KLHL4: variants seen among roughly 807,000 people sequenced by gnomAD.
KLHL4 encodes kelch like family member 4.
A neutral mutation model predicts 45.8 loss-of-function variants in KLHL4; 17 were observed. The observed-to-expected ratio is 0.37, with a 90% CI of 0.25 to 0.56. The LOEUF (loss-of-function observed/expected upper bound fraction) is 0.56. Ranked by LOEUF, KLHL4 falls within the 20% of genes least tolerant of loss-of-function variation. The pLI is 0.79. For synonymous variants in KLHL4, 224 were observed against 189.9 expected (o/e 1.18, Z -1.47); for missense variants, 544 against 544.9 (o/e 1.00, Z 0.02).
intron 9 of KLHL4, among the ~76,000 whole-genome samples, chrX:87,647,268 A>T (rs1923668216): frequency 8.9e-6 from 1 of 112,052 alleles, no homozygotes. Context: ...TAAAATGGGA[A>T]CACTTTACAC....
At chrX:87,568,937 G>A (rs958749300) in intron 1 of KLHL4, among the ~76,000 whole-genome samples, 19 of 111,034 alleles carry the variant, frequency 1.7e-4, no homozygotes, top group Non-Finnish European at 3.6e-4. Flanking sequence ...AAAATATGAC[G>A]CCAAAGTACA....
At chrX:87,541,215 G>A (rs1410238475) in intron 1 of KLHL4, among the ~76,000 whole-genome samples, 3 of 109,226 alleles carry the variant, frequency 2.7e-5, no homozygotes, top group Non-Finnish European at 3.8e-5. Flanking sequence ...GGCCAGGCAC[G>A]GTGGTTCACG....
At chrX:87,552,908 A>G (rs1167523054) in intron 1 of KLHL4, among the ~76,000 whole-genome samples, 1 of 110,202 alleles carries the variant, frequency 9.1e-6, no homozygotes, top group East Asian at 2.8e-4. Flanking sequence ...TAGGGTGACT[A>G]TAGCTAATAA....
At chrX:87,559,600 C>A (rs1225307957) in intron 1 of KLHL4, among the ~76,000 whole-genome samples, 1 of 111,588 alleles carries the variant, frequency 9.0e-6, no homozygotes, top group African/African-American at 3.2e-5. Flanking sequence ...GCTGCAAATT[C>A]TTCTCATATT....
chrX:87,521,274 A>T (rs1930995296), intron 1 of KLHL4, among the ~76,000 whole-genome samples: 1 of 111,999 alleles, frequency 8.9e-6, no homozygotes, highest in African/African-American at 3.2e-5. Flanking sequence ...AGGTTTGCCT[A>T]GAAAAAATGA....
At chrX:87,626,256 G>A (rs781417277) in intron 6 of KLHL4, among the ~76,000 whole-genome samples, 3 of 111,171 alleles carry the variant, frequency 2.7e-5, no homozygotes, top group East Asian at 5.7e-4. Flanking sequence ...GGTTCTGTCC[G>A]GAAACGCGAG....
chrX:87,538,085 G>A (rs764854245), intron 1 of KLHL4, among the ~76,000 whole-genome samples: 10 of 111,664 alleles, frequency 9.0e-5, no homozygotes, highest in Admixed American at 8.6e-4. Flanking sequence ...CAAAGTCTGA[G>A]CTTTTCTCTT....
chrX:87,588,794 AAGG>A (rs995697261), intron 1 of KLHL4, among the ~76,000 whole-genome samples: 45 of 109,142 alleles, frequency 4.1e-4, no homozygotes, highest in Middle Eastern at 4.7e-3. Context: ...GAAGAAGAAG[AAGG>A]AGAAGGAGAA....
intron 1 of KLHL4, among the ~76,000 whole-genome samples, chrX:87,547,183 G>A (rs757547866): frequency 9.0e-6 from 1 of 111,602 alleles, no homozygotes; most frequent in South Asian, 3.8e-4. Context: ...ATCTTGATTT[G>A]TAATTCCCAG....
chrX:87,614,695 C>A, intron 3 of KLHL4, 125 bp downstream of exon 3: 2 of 551,798 alleles, frequency 3.6e-6, no homozygotes, highest in Admixed American at 3.9e-5. Context: ...AATACTGCTA[C>A]TACAACTACA....
intron 1 of KLHL4, among the ~76,000 whole-genome samples, chrX:87,531,121 T>G (rs1356413663): frequency 3.6e-5 from 4 of 110,625 alleles, no homozygotes; most frequent in Admixed American, 1.9e-4. Flanking sequence ...GGGGTTGTTT[T>G]TTTCTTGTAA....
chrX:87,585,116 C>G lies in KLHL4; in HGVS notation c.423-28761C>G, dbSNP rs751769123. Among the ~76,000 whole-genome samples, 5 of 111,338 alleles carry G rather than the reference C, an allele frequency of 4.5e-5. No individual in the cohort carries two copies. In the South Asian group the frequency reaches 1.9e-3, roughly 41 times the overall value. On this transcript the variant is annotated intron_variant, in intron 1 of 10. Transcript: ENST00000373119. ...CAACAATAACAAAAAAAACCTTTTA[C>G]TCTAGAATAATATATCTGGTGAAAA... is the stretch of plus-strand genomic sequence containing the variant.
At chrX:87,605,744 G>A (rs5922462) in intron 1 of KLHL4, among the ~76,000 whole-genome samples, 41,209 of 109,745 alleles carry the variant, frequency 0.38, 6,002 homozygotes, top group Middle Eastern at 0.46. Flanking sequence ...AATTGGTCTG[G>A]CTAGGTCTTC....
chrX:87,565,367 C>T (rs1279725113), intron 1 of KLHL4, among the ~76,000 whole-genome samples: 1 of 110,856 alleles, frequency 9.0e-6, no homozygotes, highest in Non-Finnish European at 1.9e-5. Flanking sequence ...TTTAAAAGAC[C>T]TAGTAAAATT....
chrX:87,586,110 G>A (rs1188537280), intron 1 of KLHL4, among the ~76,000 whole-genome samples: 3 of 111,267 alleles, frequency 2.7e-5, no homozygotes. Context: ...CAACACTGGA[G>A]CACACAGATA....
At position 87,669,404 on chromosome X, in the gene KLHL4, C is replaced by T; in HGVS notation, c.*2870C>T. Reference sequence around the variant, plus strand: ...GACTCTGGGGCACTAAATTCAGATCCTTTCTCCACACAGCAATGACATTTA... The same window carrying T: ...GACTCTGGGGCACTAAATTCAGATCTTTTCTCCACACAGCAATGACATTTA... On this transcript the variant is annotated 3_prime_UTR_variant, in exon 11 of 11. Coordinates refer to ENST00000373119, the MANE Select transcript of KLHL4 (RefSeq NM_019117.5). The T allele has an allele frequency of 8.3e-7, 1 of 1,208,819 alleles. No homozygotes were observed. Among genetic ancestry groups the T allele is most frequent in the Non-Finnish European group, 1.1e-6 (1 of 893,920 alleles).
At chrX:87,611,040 C>G (rs759240270) in intron 1 of KLHL4, among the ~76,000 whole-genome samples, 1 of 110,764 alleles carries the variant, frequency 9.0e-6, no homozygotes. Context: ...GGCCATTGCC[C>G]TCCAGCCTGG....
Position 87,518,312 on chromosome X carries a change from C to T in KLHL4, c.419C>T (p.Ala140Val), listed in dbSNP as rs1229085818. ...MADDNIEDST[A>V]RLDTQHSEDM... Reference sequence around the variant, plus strand: ...GATGACAATATAGAAGATTCTACAGCAAGGTAAGAGTTTTTGGTCGCATAA... The same window carrying T: ...GATGACAATATAGAAGATTCTACAGTAAGGTAAGAGTTTTTGGTCGCATAA... Residue 140 changes from alanine (A) to valine (V), a missense_variant, in exon 1 of 11, where the codon GCA (alanine) becomes GTA (valine). By Grantham distance (64) the Ala-to-Val change is moderately conservative. Transcript: ENST00000373119. 3 of 1,199,315 alleles carry T rather than the reference C, an allele frequency of 2.5e-6. No individual in the cohort carries two copies. In the African/African-American group the frequency reaches 5.3e-5, roughly 21 times the overall value.
chrX:87,521,170 T>G (rs776423113), intron 1 of KLHL4, among the ~76,000 whole-genome samples: 29 of 111,717 alleles, frequency 2.6e-4, no homozygotes, highest in Admixed American at 7.7e-4. Flanking sequence ...CTACCAACTG[T>G]ACTGATATGT....
Sources: gnomAD v4.1 joint callset for allele counts (sites outside exome capture counted in the v4.1 genomes callset) on GRCh38, gnomAD v4.1.1 for gene constraint, MANE v1.5 for transcripts, NCBI Gene and HGNC (gene_info 2026-07-23, HGNC 2026-07-21) for gene names.